The following ANKRD30B variants were observed in gnomAD, a reference collection of about 807,000 sequenced individuals.
ANKRD30B encodes ankyrin repeat domain-containing protein 30B.
In ANKRD30B, 144 loss-of-function variants were observed where a neutral mutation model predicts 202.2. The ratio of observed to expected loss-of-function variants is 0.71; its 90% CI spans 0.62 to 0.82. The LOEUF is 0.82. Ranked by LOEUF, ANKRD30B falls within the 40% of genes least tolerant of loss-of-function variation. ANKRD30B has a pLI of 0.00. For missense variants in ANKRD30B, 1,487 were observed against 1,669.1 expected, an observed-to-expected ratio of 0.89 and a Z score of 1.90; for synonymous variants, 508 against 561.3, an observed-to-expected ratio of 0.91 and a Z score of 1.34.
chr18:14,933,733 G>C, the ANKRD30B span, among the ~76,000 whole-genome samples: 1 of 101,198 alleles, frequency 9.9e-6, no homozygotes, highest in African/African-American at 5.0e-5. Context: ...GCCACTACGT[G>C]GGGAGAGGTG....
chr18:14,872,253 G>A, the ANKRD30B span, among the ~76,000 whole-genome samples: 1 of 152,216 alleles, frequency 6.6e-6, no homozygotes, highest in South Asian at 2.1e-4. Flanking sequence ...ACATTGGAAA[G>A]AGAGAGCCTG....
At chr18:14,881,206 A>G in the ANKRD30B span, among the ~76,000 whole-genome samples, 1 of 152,162 alleles carries the variant, frequency 6.6e-6, no homozygotes, top group Non-Finnish European at 1.5e-5. Flanking sequence ...ATTCAGTATT[A>G]TGTTGGCTGT....
At chr18:14,913,965 T>C in the ANKRD30B span, among the ~76,000 whole-genome samples, 1 of 152,226 alleles carries the variant, frequency 6.6e-6, no homozygotes. Context: ...TTTGTTCCTG[T>C]TTTATAGGTG....
chr18:14,790,790 G>A (rs893321860), intron 15 of ANKRD30B, among the ~76,000 whole-genome samples: 12 of 151,960 alleles, frequency 7.9e-5, no homozygotes, highest in Non-Finnish European at 1.3e-4. Flanking sequence ...GATTCGGTTT[G>A]CCAGTATTTT....
intron 9 of ANKRD30B, 106 bp downstream of exon 9, chr18:14,772,334 G>A (rs1444957824): frequency 7.6e-6 from 5 of 658,682 alleles, no homozygotes; most frequent in Admixed American, 8.4e-5. Flanking sequence ...GTAATATAAA[G>A]TTGGTCAGAT....
At chr18:14,917,227 T>C in the ANKRD30B span, among the ~76,000 whole-genome samples, 3 of 152,218 alleles carry the variant, frequency 2.0e-5, no homozygotes. Flanking sequence ...CCCTTTTCTC[T>C]AACTGAAATA....
the ANKRD30B span, among the ~76,000 whole-genome samples, chr18:14,919,778 C>G: frequency 6.6e-6 from 1 of 152,176 alleles, no homozygotes; most frequent in African/African-American, 2.4e-5. Context: ...ACTTTGATAC[C>G]CAACTTACTT....
chr18:14,902,330 T>A, the ANKRD30B span, among the ~76,000 whole-genome samples: 1 of 152,096 alleles, frequency 6.6e-6, no homozygotes, highest in Non-Finnish European at 1.5e-5. Flanking sequence ...TTCAGGATAT[T>A]TGGGGGACCT....
intron 26 of ANKRD30B, 102 bp from the exon 27 acceptor site, chr18:14,809,884 A>G: frequency 1.4e-5 from 16 of 1,148,930 alleles, no homozygotes; most frequent in Non-Finnish European, 2.1e-5. Flanking sequence ...TCCCTTTTCA[A>G]TCCAAGCATG....
chr18:14,927,998 A>G, the ANKRD30B span, among the ~76,000 whole-genome samples: 1 of 151,236 alleles, frequency 6.6e-6, no homozygotes. Context: ...GTGGAGTCTC[A>G]CTCTTGTTGC....
In ANKRD30B at chr18:14,852,104, G is replaced by A. The variant is rs779937678; in HGVS notation, c.4160G>A (p.Arg1387Gln). Residue 1387 changes from arginine (R) to glutamine (Q), a missense_variant, in exon 42 of 44, where the codon CGA becomes CAA. Arg to Gln is a conservative substitution (Grantham distance 43, BLOSUM62 1). Around this residue, in one of 6 missense-constraint regions of ANKRD30B, gnomAD observed 182 missense variants for 216.0 expected, o/e 0.84. Coordinates refer to ENST00000690538, the MANE Select transcript of ANKRD30B (RefSeq NM_001367607.2). ...GTTTCAGAACATGCACAAAGAGACC[G>A]ATGTGAAACACAGTGTCAAATGAAG... ...ALVSEHAQRD[R>Q]CETQCQMKKA... The A allele has an allele frequency of 7.5e-6, 12 of 1,607,620 alleles. No individual in the cohort carries two copies. The East Asian group carries it at 1.1e-4, about 15-fold the overall frequency.
intron 22 of ANKRD30B, 106 bp downstream of exon 22, chr18:14,799,401 G>C (rs1969165109): frequency 8.9e-7 from 1 of 1,121,882 alleles, no homozygotes; most frequent in East Asian, 2.6e-5. Context: ...AAAATTGGAT[G>C]GGAAAATTTG....
chr18:14,772,939 GA>G (rs1201972635), intron 9 of ANKRD30B, among the ~76,000 whole-genome samples: 1 of 151,994 alleles, frequency 6.6e-6, no homozygotes. Flanking sequence ...CACATAGCGA[GA>G]CCTTATCACT....
In ANKRD30B at chr18:14,791,466, C is replaced by T. The variant is rs370663806; in HGVS notation, c.1800C>T (p.Phe600=). The T allele has an allele frequency of 6.5e-5, 104 of 1,610,196 alleles. 1 individual carries two copies. The highest frequency in any genetic ancestry group is 1.3e-4 in the East Asian group (6 of 44,660). ...YLPKATHQKE[F]DTLSGKLEES... ...CCAAAGCTACACATCAAAAAGAATT[C>T]GATACCTTAAGTGGAAAATTAGAAG... Residue 600 remains phenylalanine, a synonymous_variant, in exon 16 of 44, where the codon TTC becomes TTT. Coordinates refer to ENST00000690538, the MANE Select transcript of ANKRD30B (RefSeq NM_001367607.2).
At chr18:14,768,204 G>T (rs1249257443) in intron 7 of ANKRD30B, among the ~76,000 whole-genome samples, 1 of 152,152 alleles carries the variant, frequency 6.6e-6, no homozygotes, top group African/African-American at 2.4e-5. Context: ...AACCCAGAAG[G>T]ACTGGGATCA....
Position 14,748,424 on chromosome 18 carries a change from A to G in ANKRD30B, c.5A>G (p.Lys2Arg). The G allele has an allele frequency of 6.7e-7, 1 of 1,498,344 alleles. No homozygotes were observed. Among genetic ancestry groups the G allele is most frequent in the Non-Finnish European group, 8.9e-7 (1 of 1,121,196 alleles). 92.8% of individuals were successfully genotyped at this position (1,498,344 alleles called of 1,614,324 possible). A position where few individuals can be genotyped will look rare whatever the true frequency, so the allele number is the denominator to read the frequency against. Residue 2 changes from lysine to arginine, a missense_variant, in exon 1 of 44, where the codon AAG becomes AGG. Coordinates refer to ENST00000690538, the MANE Select transcript of ANKRD30B (RefSeq NM_001367607.2). The stretch of plus-strand genomic sequence containing the variant: ...CTCTAGCAGGGGGCTGCAGCCATGA[A>G]GAGGCTCTTAGCTGCCGCTGGCAAG... The part of the protein sequence containing the change: M[K>R]RLLAAAGKGV...
At chr18:14,855,276 A>G (rs369367538), downstream of ANKRD30B, among the ~76,000 whole-genome samples, 624 of 152,340 alleles carry the variant, frequency 4.1e-3, 4 homozygotes, top group Non-Finnish European at 7.0e-3. Context: ...CTTAGTACAG[A>G]AGAAAATGGA....
At chr18:14,882,191 G>A in the ANKRD30B span, among the ~76,000 whole-genome samples, 1 of 152,116 alleles carries the variant, frequency 6.6e-6, no homozygotes, top group Non-Finnish European at 1.5e-5. Context: ...GGTTCCCTGA[G>A]ATGTGAACTT....
intron 30 of ANKRD30B, among the ~76,000 whole-genome samples, chr18:14,817,867 A>G (rs1479461754): frequency 6.6e-6 from 1 of 152,094 alleles, no homozygotes; most frequent in East Asian, 1.9e-4. Context: ...AATTTTAAGC[A>G]CTTTTTTTAT....
Sources: allele counts gnomAD v4.1 joint callset (sites outside exome capture counted in the v4.1 genomes callset), GRCh38; gene constraint gnomAD v4.1.1; regional missense constraint gnomAD v4.1.1; transcripts MANE v1.5; gene names NCBI Gene and HGNC (gene_info 2026-07-23, HGNC 2026-07-21).